Variants in CARD14 observed in about 807,000 individuals in gnomAD.
CARD14 encodes the protein caspase recruitment domain-containing protein 14.
Under a neutral mutation model 111.5 loss-of-function variants are expected in CARD14, and 107 were observed. The ratio of observed to expected loss-of-function variants is 0.96; its 90% confidence interval spans 0.82 to 1.13. The LOEUF is 1.13. CARD14 is among the 50% of genes most tolerant of loss of function. The pLI, the probability that CARD14 is intolerant of heterozygous loss-of-function variation, is 0.00. For missense variants in CARD14, 1,322 were observed against 1,362.3 expected, an observed-to-expected ratio of 0.97 and a Z score of 0.47; for synonymous variants, 617 against 579.6, an observed-to-expected ratio of 1.06 and a Z score of -0.93.
At chr17:80,200,671 C>T (rs1178880722) in intron 16 of CARD14, 1 of 152,174 alleles carries the variant, frequency 6.6e-6, no homozygotes, top group African/African-American at 2.4e-5. Context: ...AAGCACGTTA[C>T]ATTGATTGTA....
Position 80,198,834 on chromosome 17 carries a change from T to C in CARD14, c.1851+243T>C, listed in dbSNP as rs1006780368. ...TGCGGCGCTTCTGACCAGGGGTCTT[T>C]GCATGAGGCCCCTTGACAGGGCTGC... is the stretch of plus-strand genomic sequence containing the variant. On this transcript the variant is annotated intron_variant, in intron 16 of 23. Transcript: ENST00000648509. The surrounding 1 kb of genome is among the most constrained non-coding windows in gnomAD (Gnocchi z 7.5). 29 of 1,461,034 alleles carry C rather than the reference T, an allele frequency of 2.0e-5. No individual in the cohort carries two copies. Among genetic ancestry groups the C allele is most frequent in the Non-Finnish European group, 1.8e-5 (20 of 1,111,402 alleles). The allele number at this position is 1,461,034 out of a possible 1,614,324, so 90.5% of individuals were successfully genotyped here. A position where few individuals can be genotyped will look rare whatever the true frequency, so the allele number is the denominator to read the frequency against.
intron 5 of CARD14, 40 bp downstream of exon 5, chr17:80,181,689 C>T (rs759434673): frequency 4.0e-5 from 60 of 1,505,350 alleles, no homozygotes; most frequent in Non-Finnish European, 4.6e-5. Context: ...TCCAGCTTCC[C>T]GTGGCCCACA....
At chr17:80,186,721 C>A (rs540240879) in intron 7 of CARD14, among the ~76,000 whole-genome samples, 1 of 151,986 alleles carries the variant, frequency 6.6e-6, no homozygotes, top group Non-Finnish European at 1.5e-5. Flanking sequence ...GCTAATTTTT[C>A]GTATTTTTAG....
intron 6 of CARD14, among the ~76,000 whole-genome samples, chr17:80,183,335 C>A (rs2040232959): frequency 6.6e-6 from 1 of 152,204 alleles, no homozygotes; most frequent in Non-Finnish European, 1.5e-5. Context: ...CTCACACGAC[C>A]CAAAACAGTG....
At position 80,183,112 on chromosome 17, in the gene CARD14, C is replaced by T. The variant is rs115120883; in HGVS notation, c.349+322C>T. On this transcript the variant is annotated intron_variant, in intron 6 of 23. Transcript: ENST00000648509. ...GGGCAAGGGAGTGTCTCCTGGAGTC[C>T]GCCTTTAACCTTGCGGCTTTGCTGG... Among the ~76,000 whole-genome samples the T allele has an allele frequency of 0.016, 2,449 of 152,292 alleles. 24 individuals carry two copies. The highest frequency in any genetic ancestry group is 0.043 in the South Asian group (207 of 4,830).
rs1400868858 is a variant in CARD14, at chr17:80,208,333, G to C, written c.3003G>C (p.Gln1001His). The C allele has an allele frequency of 6.3e-7, 1 of 1,598,508 alleles. No individual in the cohort carries two copies. The highest frequency in any genetic ancestry group is 1.7e-5 in the Admixed American group (1 of 58,316). The change falls in exon 24 of 24, where the codon CAG (glutamine) becomes CAC (histidine). Residue 1001 changes from glutamine to histidine, a missense_variant. Coordinates refer to ENST00000648509, the MANE Select transcript of CARD14 (RefSeq NM_001366385.1). ...AGAAGAAGGTGGTGTGGACGGAGCAGAGCCCCCGATGATGCACCGTGCCCC... is the reference window on the plus strand; with the variant it reads ...AGAAGAAGGTGGTGTGGACGGAGCACAGCCCCCGATGATGCACCGTGCCCC... Reference protein sequence around the residue: ...DEQKKVVWTEQSPR With the variant: ...DEQKKVVWTEHSPR
chr17:80,195,793 G>A lies in CARD14; in HGVS notation c.1594+141G>A. 1 of 711,058 alleles carries A rather than the reference G, an allele frequency of 1.4e-6. No homozygotes were observed. Among genetic ancestry groups the A allele is most frequent in the Non-Finnish European group, 2.3e-6 (1 of 433,102 alleles). The allele number at this position is 711,058 out of a possible 1,614,324, so 44.0% of individuals were successfully genotyped here. A position where few individuals can be genotyped will look rare whatever the true frequency, so the allele number is the denominator to read the frequency against. On this transcript the variant is annotated intron_variant, in intron 14 of 23. Coordinates refer to ENST00000648509, the MANE Select transcript of CARD14 (RefSeq NM_001366385.1). The surrounding 1 kb of genome is among the most constrained non-coding windows in gnomAD (Gnocchi z 4.7). ...AACTTCTGCCCTGGGCCTTGACCTTGGCCTCGACCTTGCACTTTGGGAAAG... is the reference window on the plus strand; with the variant it reads ...AACTTCTGCCCTGGGCCTTGACCTTAGCCTCGACCTTGCACTTTGGGAAAG...
At chr17:80,179,665 T>A (rs941261598) in intron 4 of CARD14, among the ~76,000 whole-genome samples, 6 of 152,102 alleles carry the variant, frequency 3.9e-5, no homozygotes, top group African/African-American at 1.4e-4. Context: ...AGATTCCATC[T>A]CTACAAAAAT....
At chr17:80,205,689 T>G (rs550611489) in intron 22 of CARD14, 37 bp downstream of exon 22, 14 of 1,512,508 alleles carry the variant, frequency 9.3e-6, no homozygotes, top group Non-Finnish European at 1.2e-5. Flanking sequence ...GGAGCTGTCC[T>G]GGGAAGGGTT....
intron 22 of CARD14, among the ~76,000 whole-genome samples, chr17:80,206,515 C>T (rs1162959092): frequency 6.6e-6 from 1 of 152,232 alleles, no homozygotes; most frequent in Non-Finnish European, 1.5e-5. Context: ...CCTCTAATCC[C>T]AGCACTTTGG....
chr17:80,177,521 C>T (rs999308969), intron 2 of CARD14, among the ~76,000 whole-genome samples: 2 of 152,040 alleles, frequency 1.3e-5, no homozygotes, highest in African/African-American at 2.4e-5. Context: ...CATGGTGAAA[C>T]CTTGTCTCTA....
chr17:80,182,661 C>T lies in CARD14; in HGVS notation c.220C>T (p.Leu74=). Residue 74 remains leucine (L), a synonymous_variant, in exon 6 of 24, where the codon CTG becomes TTG. Transcript: ENST00000648509. This position sits in a 1 kb window ranked among gnomAD's most constrained non-coding sequence, Gnocchi z 4.7. ...TNSAMRAGHL[L]DLLKTRGKNG... is the part of the protein sequence containing the mutation. Reference sequence around the variant, plus strand: ...CGGTTCTGCCTCCCAAGGGCACTTGCTGGATTTGCTGAAGACTCGAGGGAA... The same window carrying T: ...CGGTTCTGCCTCCCAAGGGCACTTGTTGGATTTGCTGAAGACTCGAGGGAA... 6.2e-7 allele frequency: 1 copy of T among 1,614,098 alleles called. No individual in the cohort carries two copies. The highest frequency in any genetic ancestry group is 1.1e-5 in the South Asian group (1 of 91,062).
chr17:80,175,952 G>GTTTT (rs531556673), intron 2 of CARD14, among the ~76,000 whole-genome samples: 7 of 53,546 alleles, frequency 1.3e-4, no homozygotes, highest in Admixed American at 3.0e-4. Context: ...CTCTCGGATC[G>GTTTT]TTTTTTTTTT....
chr17:80,198,479 T>C lies in CARD14; in HGVS notation c.1739T>C (p.Leu580Pro), dbSNP rs201897872. Residue 580 changes from leucine to proline, a missense_variant, in exon 16 of 24, where the codon CTG (leucine) becomes CCG (proline). Coordinates refer to ENST00000648509, the MANE Select transcript of CARD14 (RefSeq NM_001366385.1). The surrounding 1 kb of genome is among the most constrained non-coding windows in gnomAD (Gnocchi z 7.5). ...CTGGCGTTCCAGGGGGATGCATTGC[T>C]GGAGCAGATCAGCGTCATCGGCGGG... Reference protein sequence around the residue: ...TMLAFQGDALLEQISVIGGNL... With the variant: ...TMLAFQGDALPEQISVIGGNL... 2.4e-5 allele frequency: 39 copies of C among 1,613,366 alleles called. No homozygotes were observed. In the Admixed American group the frequency reaches 3.8e-4, roughly 16 times the overall value.
At chr17:80,187,134 C>T (rs971241364) in intron 7 of CARD14, among the ~76,000 whole-genome samples, 3 of 152,248 alleles carry the variant, frequency 2.0e-5, no homozygotes, top group Admixed American at 6.5e-5. Flanking sequence ...TCTCCTGTTC[C>T]GTACGTGTGT....
chr17:80,204,548 C>T (rs1420569431), intron 20 of CARD14: 14 of 472,714 alleles, frequency 3.0e-5, no homozygotes, highest in Admixed American at 1.4e-4. Context: ...CGCCTGAACC[C>T]GGGAGGCAGA....
intron 23 of CARD14, chr17:80,207,795 G>A (rs1379193605): frequency 7.4e-6 from 2 of 271,106 alleles, no homozygotes; most frequent in Non-Finnish European, 1.4e-5. Flanking sequence ...ACCCCACCCG[G>A]CCTCAGCTCC....
intron 1 of CARD14, among the ~76,000 whole-genome samples, chr17:80,172,603 G>A (rs1285061278): frequency 5.9e-5 from 9 of 152,274 alleles, no homozygotes; most frequent in East Asian, 1.9e-4. Context: ...GGAGGAGCTC[G>A]GCGTCGGCGT....
rs1246647332 is a variant in CARD14, at chr17:80,195,972, T to G, written c.1594+320T>G. On this transcript the variant is annotated intron_variant, in intron 14 of 23. Coordinates refer to ENST00000648509, the MANE Select transcript of CARD14 (RefSeq NM_001366385.1). This position sits in a 1 kb window ranked among gnomAD's most constrained non-coding sequence, Gnocchi z 4.7. ...GATCTGTAACGCTTGGGCTTCCCAG[T>G]GGTTTCAGAAGGCAGCAGGCAGGGT... is the stretch of plus-strand genomic sequence containing the variant. The G allele has an allele frequency of 3.8e-6, 1 of 262,232 alleles. No individual in the cohort carries two copies. The highest frequency in any genetic ancestry group is 2.2e-5 in the African/African-American group (1 of 44,816). The allele number at this position is 262,232 out of a possible 1,614,324, so 16.2% of individuals were successfully genotyped here.
Sources: allele counts gnomAD v4.1 joint callset (sites outside exome capture counted in the v4.1 genomes callset), GRCh38; gene constraint gnomAD v4.1.1; non-coding constraint Gnocchi (gnomAD v3.1); transcripts MANE v1.5; gene names NCBI Gene and HGNC (gene_info 2026-07-23, HGNC 2026-07-21).